CCT4: variants seen among roughly 807,000 people sequenced by gnomAD.
CCT4 encodes chaperonin containing TCP1 subunit 4.
Under a neutral mutation model 62.5 loss-of-function variants are expected in CCT4, and 17 were observed. That is an observed-to-expected ratio of 0.27 (90% CI 0.19 to 0.41). The LOEUF (loss-of-function observed/expected upper bound fraction) is 0.41, where lower values mean the gene tolerates loss of function less well. Among genes scored for constraint, CCT4 ranks in the 10% least tolerant of loss-of-function variants. The pLI is 1.00. For synonymous variants in CCT4, 250 were observed against 229.9 expected (o/e 1.09, Z -0.79); for missense variants, 592 against 659.2 (o/e 0.90, Z 1.12).
intron 10 of CCT4, 67 bp downstream of exon 10, chr2:61,872,934 GA>G (rs201964082): frequency 2.9e-5 from 27 of 942,164 alleles, no homozygotes; most frequent in Middle Eastern, 2.2e-4. Context: ...CTCAAAAAAA[GA>G]AAAAAAACAA....
At chr2:61,883,670 C>T in intron 2 of CCT4, 122 bp from the exon 3 acceptor site, 1 of 622,356 alleles carries the variant, frequency 1.6e-6, no homozygotes, top group East Asian at 2.9e-5. Flanking sequence ...AAATTCTCTT[C>T]CCTTACATTA....
intron 8 of CCT4, among the ~76,000 whole-genome samples, chr2:61,873,966 C>G (rs1668943029): frequency 6.6e-6 from 1 of 152,160 alleles, no homozygotes; most frequent in African/African-American, 2.4e-5. Context: ...CCACAAAGTG[C>G]TGGGATTACA....
intron 12 of CCT4, among the ~76,000 whole-genome samples, chr2:61,870,687 G>C (rs779043197): frequency 7.9e-5 from 12 of 152,196 alleles, no homozygotes; most frequent in Non-Finnish European, 1.8e-4. Context: ...GGAAGGCTGA[G>C]GCAGGTGAAT....
At chr2:61,885,771 A>AGATGTCAAAATGGTACATTCCTTCG (rs1267305433) in intron 1 of CCT4, 6 of 152,182 alleles carry the variant, frequency 3.9e-5, no homozygotes, top group Non-Finnish European at 7.3e-5. Context: ...ATCTTCCTTC[A>AGATGTCAAAATGGTACATTCCTTCG]GATGTCAAAA....
chr2:61,877,075 A>C lies in CCT4; in HGVS notation c.645-23T>G, dbSNP rs188485582. 8.3e-5 allele frequency: 134 copies of C among 1,607,286 alleles called. 1 individual carries two copies. The highest frequency in any genetic ancestry group is 6.8e-6 in the Non-Finnish European group (8 of 1,175,600). On this transcript the variant is annotated intron_variant, in intron 6 of 13. Transcript: ENST00000394440. Reference sequence around the variant, plus strand: ...CCACTAAGGATAAAAGAAAACAAAGAGGGGTAGTTAAGAGGGAGTGGACAT... The same window carrying C: ...CCACTAAGGATAAAAGAAAACAAAGCGGGGTAGTTAAGAGGGAGTGGACAT...
At chr2:61,877,161 T>C in intron 6 of CCT4, 109 bp from the exon 7 acceptor site, 1 of 1,052,306 alleles carries the variant, frequency 9.5e-7, no homozygotes, top group Non-Finnish European at 1.4e-6. Flanking sequence ...TGATTCAGCC[T>C]CACATTTATT....
chr2:61,881,470 C>A (rs1382237212), intron 3 of CCT4, among the ~76,000 whole-genome samples: 1 of 152,088 alleles, frequency 6.6e-6, no homozygotes, highest in East Asian at 1.9e-4. Context: ...TATGACTTGA[C>A]ACCAGGTTTA....
rs904806015 is a variant in CCT4, at chr2:61,873,312, G to A, written c.918-19C>T. 1 of 1,372,582 alleles carries A rather than the reference G, an allele frequency of 7.3e-7. No homozygotes were observed. Among genetic ancestry groups the A allele is most frequent in the African/African-American group, 1.4e-5 (1 of 69,278 alleles). The allele number at this position is 1,372,582 out of a possible 1,614,324, so 85.0% of individuals were successfully genotyped here. A position where few individuals can be genotyped will look rare whatever the true frequency, so the allele number is the denominator to read the frequency against. The stretch of plus-strand genomic sequence containing the variant: ...AGCATCTCTAAAATACAAAATCAGT[G>A]ATTATGTCAATGCTAGATTAAAAAA... On this transcript the variant is annotated intron_variant, in intron 8 of 13. Transcript: ENST00000394440.
At chr2:61,885,251 T>G (rs904815625) in intron 1 of CCT4, among the ~76,000 whole-genome samples, 179 bp from the exon 2 acceptor site, 1 of 151,908 alleles carries the variant, frequency 6.6e-6, no homozygotes, top group African/African-American at 2.4e-5. Context: ...AATAGAGTTT[T>G]TTTCCCCTCA....
At chr2:61,874,905 G>T (rs12474073) in intron 8 of CCT4, among the ~76,000 whole-genome samples, 57,946 of 151,998 alleles carry the variant, frequency 0.38, 11,677 homozygotes, top group East Asian at 0.7. Context: ...AGCACTTTGG[G>T]AGGCCAAGGC....
At chr2:61,877,588 C>T in intron 5 of CCT4, 74 bp from the exon 6 acceptor site, 1 of 1,159,542 alleles carries the variant, frequency 8.6e-7, no homozygotes, top group South Asian at 1.7e-5. Context: ...GACAAAGATA[C>T]TTAAGAAAGA....
At chr2:61,884,925 C>T in intron 2 of CCT4, 95 bp downstream of exon 2, 1 of 1,097,150 alleles carries the variant, frequency 9.1e-7, no homozygotes, top group Non-Finnish European at 1.3e-6. Flanking sequence ...CACGCCCAGC[C>T]CCACTTTTTA....
At chr2:61,888,347 C>A (rs778458595) in intron 1 of CCT4, 34 bp downstream of exon 1, 1 of 1,601,344 alleles carries the variant, frequency 6.2e-7, no homozygotes, top group Non-Finnish European at 8.5e-7. Flanking sequence ...AGCACAACCC[C>A]GCGGCGCCGC....
intron 2 of CCT4, among the ~76,000 whole-genome samples, chr2:61,884,373 G>C (rs951319427): frequency 6.6e-6 from 1 of 151,738 alleles, no homozygotes; most frequent in African/African-American, 2.4e-5. Flanking sequence ...GCGCGATCTC[G>C]GCTCACTGCA....
chr2:61,878,764 C>CTTGAGATT (rs1669051171), intron 5 of CCT4, 105 bp downstream of exon 5: 1 of 704,536 alleles, frequency 1.4e-6, no homozygotes, highest in Non-Finnish European at 2.3e-6. Flanking sequence ...TAACAGTTAC[C>CTTGAGATT]TAGCCACTCT....
At chr2:61,873,861 C>T (rs947802543) in intron 8 of CCT4, among the ~76,000 whole-genome samples, 3 of 151,648 alleles carry the variant, frequency 2.0e-5, no homozygotes, top group Non-Finnish European at 4.4e-5. Context: ...CCACTGCACC[C>T]GGCTCATTTA....
intron 12 of CCT4, among the ~76,000 whole-genome samples, chr2:61,871,695 AATG>A (rs909437577): frequency 6.6e-6 from 1 of 152,244 alleles, no homozygotes; most frequent in Non-Finnish European, 1.5e-5. Flanking sequence ...TAACTAGGGC[AATG>A]ATTTTTTATA....
chr2:61,879,098 A>C (rs1247454544), intron 4 of CCT4, 87 bp from the exon 5 acceptor site: 1 of 939,016 alleles, frequency 1.1e-6, no homozygotes, highest in African/African-American at 1.7e-5. Flanking sequence ...TCAATGTCAA[A>C]GCAAGCACAA....
chr2:61,877,547 T>C (rs368908418), intron 5 of CCT4, 33 bp from the exon 6 acceptor site: 143 of 1,469,560 alleles, frequency 9.7e-5, no homozygotes, highest in East Asian at 4.2e-4. Flanking sequence ...AAAGTTACCT[T>C]CACAGTAGAA....
Sources: gnomAD v4.1 joint callset for allele counts (sites outside exome capture counted in the v4.1 genomes callset) on GRCh38, gnomAD v4.1.1 for gene constraint, MANE v1.5 for transcripts, NCBI Gene and HGNC (gene_info 2026-07-23, HGNC 2026-07-21) for gene names.